CHSY3: variants seen among roughly 807,000 people sequenced by gnomAD.
CHSY3 encodes N-acetylgalactosaminyl-proteoglycan 3-beta-glucuronosyltransferase 3.
A neutral mutation model predicts 67.2 loss-of-function variants in CHSY3; 35 were observed. The observed-to-expected ratio is 0.52, with a 90% CI of 0.40 to 0.69. The LOEUF (loss-of-function observed/expected upper bound fraction) is 0.69, where lower values mean the gene tolerates loss of function less well. Ranked by LOEUF, CHSY3 falls within the 30% of genes least tolerant of loss-of-function variation. The pLI is 0.00. For synonymous variants in CHSY3, 474 were observed against 434.7 expected (o/e 1.09, Z -1.12); for missense variants, 1,069 against 1,138.5 (o/e 0.94, Z 0.88).
Position 130,143,921 on chromosome 5 carries a change from T to C in CHSY3, c.1087-40308T>C, listed in dbSNP as rs1347718749. 1.0e-4 allele frequency among the ~76,000 whole-genome samples: 15 copies of C among 147,132 alleles called. No individual in the cohort carries two copies. In the Admixed American group the frequency reaches 1.0e-3, roughly 10 times the overall value. ...GAATCAATTGTATACTTTTACTAAC[T>C]GCATATGAAAGTAAGTATTACTTTA... On this transcript the variant is annotated intron_variant, in intron 2 of 2. Coordinates refer to ENST00000305031, the MANE Select transcript of CHSY3 (RefSeq NM_175856.5).
At chr5:130,011,131 A>G (rs897097013) in intron 2 of CHSY3, among the ~76,000 whole-genome samples, 1 of 152,202 alleles carries the variant, frequency 6.6e-6, no homozygotes, top group South Asian at 2.1e-4. Flanking sequence ...CTCTGAAGCC[A>G]GTATCACTAT....
chr5:129,906,751 G>T (rs573393586), intron 1 of CHSY3, among the ~76,000 whole-genome samples: 1 of 152,316 alleles, frequency 6.6e-6, no homozygotes, highest in South Asian at 2.1e-4. Context: ...CCGGTCAAAG[G>T]GGGGCAGCCC....
At chr5:130,178,939 T>G (rs1378444027) in intron 2 of CHSY3, among the ~76,000 whole-genome samples, 1 of 152,216 alleles carries the variant, frequency 6.6e-6, no homozygotes, top group African/African-American at 2.4e-5. Flanking sequence ...TTTAAGTTTA[T>G]TCTTGGTTTT....
chr5:130,015,731 G>A (rs1337041604), intron 2 of CHSY3, among the ~76,000 whole-genome samples: 7 of 152,086 alleles, frequency 4.6e-5, no homozygotes, highest in Non-Finnish European at 1.0e-4. Flanking sequence ...CCCATTACTG[G>A]GTATATACCC....
rs368485550 is a variant in CHSY3, at chr5:130,108,713, T to C, written c.1087-75516T>C. ...AAAGTTTTTACAGCATTTAAAAAAA[T>C]GACTGCATTCACACTTAGGCTTTTC... On this transcript the variant is annotated intron_variant, in intron 2 of 2. Coordinates refer to ENST00000305031, the MANE Select transcript of CHSY3 (RefSeq NM_175856.5). Among the ~76,000 whole-genome samples, 5 of 151,704 alleles carry C rather than the reference T, an allele frequency of 3.3e-5. No homozygotes were observed. The East Asian group carries it at 5.8e-4, about 18-fold the overall frequency.
chr5:129,969,043 C>CTA (rs1316756493), intron 2 of CHSY3, among the ~76,000 whole-genome samples: 1 of 151,784 alleles, frequency 6.6e-6, no homozygotes, highest in Non-Finnish European at 1.5e-5. Context: ...ATGGATATCA[C>CTA]ATTATAGTTA....
chr5:130,113,480 C>G (rs963100424), intron 2 of CHSY3, among the ~76,000 whole-genome samples: 1 of 152,082 alleles, frequency 6.6e-6, no homozygotes, highest in Non-Finnish European at 1.5e-5. Flanking sequence ...ATTTTTAATT[C>G]ATTCAAAAAT....
chr5:130,171,533 T>TTGA (rs1181666819), intron 2 of CHSY3, among the ~76,000 whole-genome samples: 1 of 152,188 alleles, frequency 6.6e-6, no homozygotes, highest in African/African-American at 2.4e-5. Context: ...ATATCAATGA[T>TTGA]TGAGAGTTAA....
intron 2 of CHSY3, 143 bp downstream of exon 2, chr5:129,908,503 T>C: frequency 3.1e-6 from 4 of 1,305,006 alleles, no homozygotes; most frequent in Non-Finnish European, 4.1e-6. Context: ...GATACAAGAG[T>C]GGGAGATAAC....
intron 2 of CHSY3, among the ~76,000 whole-genome samples, chr5:129,947,610 A>T (rs1761896382): frequency 7.2e-6 from 1 of 138,166 alleles, no homozygotes; most frequent in African/African-American, 2.9e-5. Flanking sequence ...GCACATAGCG[A>T]GACTCCATCT....
At chr5:130,012,798 C>A (rs1447657708) in intron 2 of CHSY3, among the ~76,000 whole-genome samples, 1 of 151,954 alleles carries the variant, frequency 6.6e-6, no homozygotes, top group African/African-American at 2.4e-5. Flanking sequence ...GCTCCTGGCC[C>A]CTCACAAATC....
chr5:130,104,415 A>G (rs1258543970), intron 2 of CHSY3, among the ~76,000 whole-genome samples: 3 of 151,866 alleles, frequency 2.0e-5, no homozygotes, highest in African/African-American at 7.2e-5. Context: ...ACCTCCTTCC[A>G]TCACGGTAAT....
chr5:130,180,310 G>C (rs1770205808), intron 2 of CHSY3, among the ~76,000 whole-genome samples: 1 of 152,114 alleles, frequency 6.6e-6, no homozygotes, highest in South Asian at 2.1e-4. Context: ...GCTAGAGTTA[G>C]AGGTATTTTA....
At chr5:130,064,464 G>A (rs1765818351) in intron 2 of CHSY3, among the ~76,000 whole-genome samples, 1 of 152,116 alleles carries the variant, frequency 6.6e-6, no homozygotes, top group Admixed American at 6.6e-5. Context: ...GTTCGGTTAA[G>A]GAAGGTGGTT....
chr5:130,066,336 A>G (rs1765885246), intron 2 of CHSY3, among the ~76,000 whole-genome samples: 1 of 152,126 alleles, frequency 6.6e-6, no homozygotes, highest in African/African-American at 2.4e-5. Context: ...GAATCCAGAG[A>G]GGCCACTGAG....
intron 2 of CHSY3, among the ~76,000 whole-genome samples, chr5:130,166,087 C>T (rs1769738572): frequency 6.6e-6 from 1 of 152,106 alleles, no homozygotes; most frequent in South Asian, 2.1e-4. Context: ...TTTAGCTTTG[C>T]TTCTTTATAA....
chr5:130,046,387 A>C (rs1462442035), intron 2 of CHSY3, among the ~76,000 whole-genome samples: 1 of 152,176 alleles, frequency 6.6e-6, no homozygotes, highest in Non-Finnish European at 1.5e-5. Flanking sequence ...TATCATGAAA[A>C]TAAAATCTGG....
At chr5:129,906,528 CT>C (rs1016359572) in intron 1 of CHSY3, among the ~76,000 whole-genome samples, 2 of 152,254 alleles carry the variant, frequency 1.3e-5, no homozygotes, top group African/African-American at 2.4e-5. Context: ...CAAGAAAAAA[CT>C]TTTTTTGTCA....
chr5:130,117,191 G>A (rs1243475278), intron 2 of CHSY3, among the ~76,000 whole-genome samples: 1 of 152,182 alleles, frequency 6.6e-6, no homozygotes, highest in South Asian at 2.1e-4. Flanking sequence ...TGGTGCTGGA[G>A]CACAAGGAAT....
Sources: gnomAD v4.1 joint callset for allele counts (sites outside exome capture counted in the v4.1 genomes callset) on GRCh38, gnomAD v4.1.1 for gene constraint, MANE v1.5 for transcripts, NCBI Gene and HGNC (gene_info 2026-07-23, HGNC 2026-07-21) for gene names.